ZBTB1: variants seen among roughly 807,000 people sequenced by gnomAD.
The protein encoded by ZBTB1 is zinc finger and BTB domain-containing protein 1.
ZBTB1 carries 13 observed loss-of-function variants against 51.6 expected under a neutral mutation model. The ratio of observed to expected loss-of-function variants is 0.25; its 90% CI spans 0.16 to 0.40. ZBTB1 has a LOEUF of 0.40. Among genes scored for constraint, ZBTB1 ranks in the 10% least tolerant of loss-of-function variants. The pLI, the probability that ZBTB1 is intolerant of heterozygous loss-of-function variation, is 1.00. For synonymous variants in ZBTB1, 240 were observed against 282.2 expected, an observed-to-expected ratio of 0.85 and a Z score of 1.50; for missense variants, 567 against 856.5, an observed-to-expected ratio of 0.66 and a Z score of 4.22.
intron 1 of ZBTB1, among the ~76,000 whole-genome samples, chr14:64,519,987 G>GGTTGTTGTT (rs35572100): frequency 1.3e-5 from 2 of 150,070 alleles, no homozygotes; most frequent in Admixed American, 6.6e-5. Context: ...AATCTAATAA[G>GGTTGTTGTT]GTTGTTGTTG....
downstream of ZBTB1, among the ~76,000 whole-genome samples, chr14:64,529,595 A>G (rs962128422): frequency 6.6e-6 from 1 of 152,014 alleles, no homozygotes; most frequent in East Asian, 1.9e-4. Context: ...AACACAGCGA[A>G]ACCCCATCTC....
intron 2 of ZBTB1, chr14:64,531,738 T>C (rs1828435741): frequency 2.8e-6 from 3 of 1,058,644 alleles, no homozygotes; most frequent in Non-Finnish European, 4.2e-6. Context: ...CTCTGTTCTG[T>C]TAACAGTGTG....
downstream of ZBTB1, among the ~76,000 whole-genome samples, chr14:64,528,680 T>A (rs1026635927): frequency 2.9e-4 from 44 of 152,332 alleles, no homozygotes; most frequent in African/African-American, 9.6e-4. Context: ...GATCCATCCA[T>A]CCTAGGGCTC....
chr14:64,504,472 A>G, upstream of ZBTB1: 2 of 155,980 alleles, frequency 1.3e-5, no homozygotes, highest in Non-Finnish European at 2.8e-5. Context: ...GAGGAGGAGG[A>G]GGTCCCAAGC....
At chr14:64,531,244 A>T (rs1045162298) in intron 2 of ZBTB1, among the ~76,000 whole-genome samples, 6 of 152,198 alleles carry the variant, frequency 3.9e-5, no homozygotes, top group Admixed American at 6.5e-5. Context: ...TGTTTAAAAA[A>T]TTTTAAAAAA....
intron 1 of ZBTB1, among the ~76,000 whole-genome samples, chr14:64,517,781 A>ATATATATATATATATTT (rs1160337478): frequency 4.8e-5 from 2 of 41,562 alleles, no homozygotes; most frequent in South Asian, 7.9e-4. Flanking sequence ...ATATATATAT[A>ATATATATATATATATTT]TTTTTTTTTT....
rs775334032 is a variant in ZBTB1 at position 64,523,019 on chromosome 14, T to A, written c.1515T>A (p.Val505=). Residue 505 remains valine, a synonymous_variant, in exon 2 of 2, where the codon GTT becomes GTA. Transcript: ENST00000683701. The surrounding 1 kb of genome is among the most constrained non-coding windows in gnomAD (Gnocchi z 4.5). ...AGTCCGAAATAAGAGATATGTTTGT[T>A]GAAATGCTGGATGATTTTAGGGACA... The part of the protein sequence containing the change: ...DEQSEIRDMF[V]EMLDDFRDNH... The A allele has an allele frequency of 6.2e-7, 1 of 1,614,214 alleles. No individual in the cohort carries two copies. The highest frequency in any genetic ancestry group is 2.2e-5 in the East Asian group (1 of 44,896).
intron 1 of ZBTB1, among the ~76,000 whole-genome samples, chr14:64,505,566 AC>A (rs1340540402): frequency 3.3e-5 from 5 of 152,170 alleles, no homozygotes; most frequent in African/African-American, 1.2e-4. Context: ...GTGGGCGCTT[AC>A]TAGAAGTTCG....
chr14:64,523,828 A>C lies in ZBTB1; in HGVS notation c.*182A>C, dbSNP rs759124831. The C allele has an allele frequency of 2.3e-6, 3 of 1,280,914 alleles. No homozygotes were observed. Among genetic ancestry groups the C allele is most frequent in the Non-Finnish European group, 3.0e-6 (3 of 999,346 alleles). 79.3% of individuals were successfully genotyped at this position (1,280,914 alleles called of 1,614,324 possible). ...TACATTTAGGTATTAAATGTTTATC[A>C]TTTTTGTTGTTTCTTAATAGAATTA... is the stretch of plus-strand genomic sequence containing the variant. On this transcript the variant is annotated 3_prime_UTR_variant, in exon 2 of 2. Coordinates refer to ENST00000683701, the MANE Select transcript of ZBTB1 (RefSeq NM_001123329.2). The surrounding 1 kb of genome is among the most constrained non-coding windows in gnomAD (Gnocchi z 4.5).
At position 64,521,975 on chromosome 14, in the gene ZBTB1, C is replaced by G; in HGVS notation, c.471C>G (p.Asn157Lys). ...DTVARNGNEA[N>K]RWCAEPSSTV... ...TGGCTCGAAATGGCAATGAAGCCAA[C>G]AGGTGGTGTGCAGAGCCAAGTTCAA... The change falls in exon 2 of 2, where the codon AAC (asparagine) becomes AAG (lysine). Residue 157 changes from asparagine (N) to lysine (K), a missense_variant. By Grantham distance (94) the Asn-to-Lys change is moderately conservative (BLOSUM62 0). Around this residue, in one of 5 missense-constraint regions of ZBTB1, gnomAD observed 74 missense variants for 74.9 expected, o/e 0.99. Transcript: ENST00000683701. 6.2e-7 allele frequency: 1 copy of G among 1,614,150 alleles called. No individual in the cohort carries two copies. Among genetic ancestry groups the G allele is most frequent in the Non-Finnish European group, 8.5e-7 (1 of 1,180,038 alleles).
chr14:64,530,031 C>T (rs2079931651), intron 2 of ZBTB1, among the ~76,000 whole-genome samples: 1 of 152,154 alleles, frequency 6.6e-6, no homozygotes, highest in Non-Finnish European at 1.5e-5. Context: ...GCTGCATAAC[C>T]ACCCTAACCT....
intron 1 of ZBTB1, among the ~76,000 whole-genome samples, chr14:64,513,790 A>G (rs973897859): frequency 6.6e-6 from 1 of 152,096 alleles, no homozygotes; most frequent in Non-Finnish European, 1.5e-5. Context: ...CCCCCCAAGT[A>G]GCTGGGATTA....
chr14:64,529,731 ACTGCAC>A (rs2079929281), downstream of ZBTB1, among the ~76,000 whole-genome samples: 1 of 152,214 alleles, frequency 6.6e-6, no homozygotes, highest in African/African-American at 2.4e-5. Context: ...TGGTTGTGTC[ACTGCAC>A]TCCAGCCTGG....
intron 1 of ZBTB1, 102 bp from the exon 2 acceptor site, chr14:64,521,385 G>T (rs959423160): frequency 2.6e-5 from 19 of 738,716 alleles, no homozygotes; most frequent in Middle Eastern, 2.7e-4. Context: ...TTAATTTCTT[G>T]ATTGTAATAG....
At chr14:64,513,784 C>G (rs542673650) in intron 1 of ZBTB1, among the ~76,000 whole-genome samples, 2 of 152,292 alleles carry the variant, frequency 1.3e-5, no homozygotes. Context: ...CCTCAGCCCC[C>G]CAAGTAGCTG....
downstream of ZBTB1, among the ~76,000 whole-genome samples, chr14:64,529,654 C>T (rs910795444): frequency 1.3e-5 from 2 of 151,936 alleles, no homozygotes. Context: ...GCCTGTAGTC[C>T]CAGTTACTTG....
chr14:64,526,603 T>C (rs183207857), downstream of ZBTB1, among the ~76,000 whole-genome samples: 430 of 152,326 alleles, frequency 2.8e-3, 5 homozygotes, highest in South Asian at 0.033. Context: ...AAGCTTGCCA[T>C]CAACTATAGT....
chr14:64,517,181 C>G (rs1007650447), intron 1 of ZBTB1, among the ~76,000 whole-genome samples: 1 of 152,124 alleles, frequency 6.6e-6, no homozygotes, highest in Non-Finnish European at 1.5e-5. Flanking sequence ...ATGCCAAGCA[C>G]GATGCATTTT....
downstream of ZBTB1, among the ~76,000 whole-genome samples, chr14:64,526,054 G>A (rs1254633584): frequency 3.9e-5 from 6 of 152,036 alleles, no homozygotes; most frequent in Admixed American, 3.3e-4. Context: ...TCCTGACCTC[G>A]TGATCCACCG....
Sources: allele counts gnomAD v4.1 joint callset (sites outside exome capture counted in the v4.1 genomes callset), GRCh38; gene constraint gnomAD v4.1.1; regional missense constraint gnomAD v4.1.1; non-coding constraint Gnocchi (gnomAD v3.1); transcripts MANE v1.5; gene names NCBI Gene and HGNC (gene_info 2026-07-23, HGNC 2026-07-21).